Variants in TMX3 observed in about 807,000 individuals in gnomAD.
TMX3 encodes thioredoxin related transmembrane protein 3, also known as protein disulfide-isomerase TMX3.
A neutral mutation model predicts 64.4 loss-of-function variants in TMX3; 40 were observed. That is an observed-to-expected ratio of 0.62 (90% CI 0.48 to 0.81). The LOEUF is 0.81. Among genes scored for constraint, TMX3 ranks in the 30% least tolerant of loss-of-function variants. TMX3 has a pLI of 0.00. For synonymous variants in TMX3, 189 were observed against 175.7 expected, an observed-to-expected ratio of 1.08 and a Z score of -0.60; for missense variants, 497 against 534.5, an observed-to-expected ratio of 0.93 and a Z score of 0.69.
rs373517845 is a variant in TMX3 at position 68,684,414 on chromosome 18, T to C, written c.794+14A>G. ...TGAACATTTGAAGCTTAAAACTATA[T>C]CAAGGCATTATACCTGGTATGTTCA... On this transcript the variant is annotated intron_variant, in intron 11 of 15. Transcript: ENST00000299608. The C allele has an allele frequency of 3.1e-6, 5 of 1,609,362 alleles. No individual in the cohort carries two copies. The highest frequency in any genetic ancestry group is 4.2e-6 in the Non-Finnish European group (5 of 1,176,584).
intron 8 of TMX3, among the ~76,000 whole-genome samples, chr18:68,694,060 G>C (rs957553090): frequency 6.6e-6 from 1 of 152,158 alleles, no homozygotes; most frequent in Non-Finnish European, 1.5e-5. Context: ...TCTCCACCTT[G>C]CTCATCCTCC....
chr18:68,679,720 G>T, intron 14 of TMX3, 189 bp from the exon 15 acceptor site: 1 of 530,716 alleles, frequency 1.9e-6, no homozygotes, highest in East Asian at 3.3e-5. Flanking sequence ...CCTCCTGCCT[G>T]CTTGTGTTAA....
chr18:68,705,244 G>C (rs1304172984), intron 4 of TMX3, among the ~76,000 whole-genome samples: 1 of 152,002 alleles, frequency 6.6e-6, no homozygotes, highest in Non-Finnish European at 1.5e-5. Context: ...TAACCCCACA[G>C]AATTATCTGG....
intron 15 of TMX3, among the ~76,000 whole-genome samples, 182 bp from the exon 16 acceptor site, chr18:68,677,375 T>TA (rs557834839): frequency 1.9e-3 from 287 of 152,302 alleles, no homozygotes; most frequent in African/African-American, 6.7e-3. Context: ...ATATAATTTC[T>TA]ATATGCACAT....
At chr18:68,704,150 T>C (rs1305586060) in intron 4 of TMX3, among the ~76,000 whole-genome samples, 1 of 152,090 alleles carries the variant, frequency 6.6e-6, no homozygotes, top group Non-Finnish European at 1.5e-5. Context: ...ACAATCTGAG[T>C]CTAGCACATA....
Position 68,691,314 on chromosome 18 carries a change from T to C in TMX3, c.618A>G (p.Glu206=). Residue 206 remains glutamate, a synonymous_variant, in exon 9 of 16, where the codon GAA becomes GAG. Coordinates refer to ENST00000299608, the MANE Select transcript of TMX3 (RefSeq NM_019022.5). ...EMPAVLVFKD[E]TYFVYDEYED... ...ACTTACCATCATAAACAAAGTAAGTTTCATCTTTGAAAACAAGCACAGCTG... is the reference window on the plus strand; with the variant it reads ...ACTTACCATCATAAACAAAGTAAGTCTCATCTTTGAAAACAAGCACAGCTG... 6.3e-7 allele frequency: 1 copy of C among 1,585,196 alleles called. No individual in the cohort carries two copies. The highest frequency in any genetic ancestry group is 8.6e-7 in the Non-Finnish European group (1 of 1,163,110).
Position 68,714,998 on chromosome 18 carries a change from T to G in TMX3, c.-17A>C. 3 of 1,564,392 alleles carry G rather than the reference T, an allele frequency of 1.9e-6. No homozygotes were observed. Among genetic ancestry groups the G allele is most frequent in the Non-Finnish European group, 2.6e-6 (3 of 1,154,964 alleles). On this transcript the variant is annotated 5_prime_UTR_variant, in exon 1 of 16. Coordinates refer to ENST00000299608, the MANE Select transcript of TMX3 (RefSeq NM_019022.5). ...CGCTGCCATGCTAGCCCGGGAGAGC[T>G]GCAGAAGCTGACTGTGCAAAAGAGG...
At chr18:68,714,833 C>T in intron 1 of TMX3, 103 bp downstream of exon 1, 1 of 1,466,640 alleles carries the variant, frequency 6.8e-7, no homozygotes, top group Non-Finnish European at 9.1e-7. Context: ...GGCATCTCCA[C>T]GAACCCCGCA....
At chr18:68,691,630 C>G (rs112194224) in intron 8 of TMX3, among the ~76,000 whole-genome samples, 70 of 152,250 alleles carry the variant, frequency 4.6e-4, no homozygotes, top group Middle Eastern at 3.4e-3. Flanking sequence ...AAACATCAAC[C>G]AGCCTATTCA....
intron 8 of TMX3, 99 bp from the exon 9 acceptor site, chr18:68,691,460 A>G: frequency 1.4e-6 from 1 of 699,780 alleles, no homozygotes; most frequent in South Asian, 2.8e-5. Context: ...ACTCAAACAC[A>G]CATAAAAATA....
chr18:68,704,094 C>T (rs749369816), intron 4 of TMX3, among the ~76,000 whole-genome samples: 8 of 152,008 alleles, frequency 5.3e-5, no homozygotes, highest in East Asian at 1.9e-4. Flanking sequence ...CTACTCATCT[C>T]GTAGGGCTAC....
intron 15 of TMX3, 26 bp from the exon 16 acceptor site, chr18:68,677,219 T>C (rs776610436): frequency 1.9e-6 from 3 of 1,600,442 alleles, no homozygotes; most frequent in Non-Finnish European, 2.6e-6. Flanking sequence ...TAAAACTCAG[T>C]TCCCTTCACA....
At position 68,700,489 on chromosome 18, in the gene TMX3, TAA is replaced by T. The variant is rs368921366; in HGVS notation, c.312-6_312-5del. 670 of 1,162,072 alleles carry T rather than the reference TAA, an allele frequency of 5.8e-4. No homozygotes were observed. The highest frequency in any genetic ancestry group is 1.2e-3 in the South Asian group (68 of 56,768). The allele number at this position is 1,162,072 out of a possible 1,614,324, so 72.0% of individuals were successfully genotyped here. Reference sequence around the variant, plus strand: ...ATATGCCAAGTCCCCTTTTAATCTTTAAAAAAAAAAAAAAATTAAAACCTGGA... The same window carrying T: ...ATATGCCAAGTCCCCTTTTAATCTTTAAAAAAAAAAAAATTAAAACCTGGA... On this transcript the variant is annotated splice_region_variant and splice_polypyrimidine_tract_variant and intron_variant, in intron 5 of 15. Coordinates refer to ENST00000299608, the MANE Select transcript of TMX3 (RefSeq NM_019022.5).
At chr18:68,691,067 TAACA>T in intron 9 of TMX3, 1 of 388,948 alleles carries the variant, frequency 2.6e-6, no homozygotes, top group Non-Finnish European at 4.6e-6. Flanking sequence ...GCATATAATT[TAACA>T]AACAACAACA....
intron 4 of TMX3, among the ~76,000 whole-genome samples, chr18:68,704,692 T>C (rs1468136709): frequency 6.6e-6 from 1 of 152,176 alleles, no homozygotes; most frequent in Non-Finnish European, 1.5e-5. Context: ...AATTGAAGAG[T>C]CCATTTGCAA....
chr18:68,714,089 T>C (rs1179758867), intron 1 of TMX3, among the ~76,000 whole-genome samples, 189 bp from the exon 2 acceptor site: 3 of 152,174 alleles, frequency 2.0e-5, no homozygotes, highest in African/African-American at 7.2e-5. Flanking sequence ...TTAGTCTGTA[T>C]GCAACCATAT....
At chr18:68,683,187 T>A (rs1055163142) in intron 12 of TMX3, among the ~76,000 whole-genome samples, 1 of 152,156 alleles carries the variant, frequency 6.6e-6, no homozygotes, top group African/African-American at 2.4e-5. Flanking sequence ...GCTTCTGAGA[T>A]ACAAATACAC....
In TMX3 at chr18:68,694,119, AC is replaced by A. The variant is rs1370197900; in HGVS notation, c.571-2759del. Reference sequence around the variant, plus strand: ...CCTGGATGCGGGACAAGAACTTGGGACCCACTGAATGGAGGGACTGAAGGGG... The same window carrying A: ...CCTGGATGCGGGACAAGAACTTGGGACCACTGAATGGAGGGACTGAAGGGG... On this transcript the variant is annotated intron_variant, in intron 8 of 15. Transcript: ENST00000299608. Among the ~76,000 whole-genome samples the A allele has an allele frequency of 2.0e-5, 3 of 152,156 alleles. No individual in the cohort carries two copies. The East Asian group carries it at 5.8e-4, about 30-fold the overall frequency.
intron 8 of TMX3, among the ~76,000 whole-genome samples, chr18:68,692,885 A>G (rs915170499): frequency 1.3e-5 from 2 of 152,178 alleles, no homozygotes; most frequent in Non-Finnish European, 2.9e-5. Context: ...TTGGCCTAAG[A>G]CACCCCCATT....
Sources: gnomAD v4.1 joint callset for allele counts (sites outside exome capture counted in the v4.1 genomes callset) on GRCh38, gnomAD v4.1.1 for gene constraint, MANE v1.5 for transcripts, NCBI Gene and HGNC (gene_info 2026-07-23, HGNC 2026-07-21) for gene names.